The following SEMA4D variants were observed in gnomAD, a reference collection of about 807,000 sequenced individuals.
SEMA4D encodes semaphorin 4D.
Under a neutral mutation model 74.8 loss-of-function variants are expected in SEMA4D, and 22 were observed. The observed-to-expected ratio is 0.29, with a 90% CI of 0.21 to 0.42. The LOEUF (loss-of-function observed/expected upper bound fraction) is 0.42. Among genes scored for constraint, SEMA4D ranks in the 10% least tolerant of loss-of-function variants. The probability of loss-of-function intolerance (pLI) is 1.00; values close to 1 mark genes in which losing one functional copy is unlikely to be tolerated. For synonymous variants in SEMA4D, 445 were observed against 463.7 expected (o/e 0.96, Z 0.52); for missense variants, 937 against 1,118.4 (o/e 0.84, Z 2.31).
intron 1 of SEMA4D, among the ~76,000 whole-genome samples, chr9:89,469,355 T>A (rs775333405): frequency 0.17 from 26,086 of 152,272 alleles, no homozygotes; most frequent in East Asian, 0.27. Flanking sequence ...GGTAGAATTT[T>A]CCAGTAAAAC....
intron 2 of SEMA4D, among the ~76,000 whole-genome samples, chr9:89,437,093 C>T (rs979010290): frequency 3.9e-5 from 6 of 152,188 alleles, no homozygotes; most frequent in African/African-American, 7.2e-5. Context: ...AGTGCTGCAG[C>T]GAGATGGCCT....
Position 89,379,037 on chromosome 9 carries a change from G to T in SEMA4D, c.2256C>A (p.Phe752Leu). ...FFFVLFLCLF[F>L]YNCYKGYLPR... The stretch of plus-strand genomic sequence containing the variant: ...GCAGGTATCCCTTATAGCAGTTGTA[G>T]AAAAAGAGGCAGAGGAAGAGAACAA... The change falls in exon 16 of 16, where the codon TTC (phenylalanine) becomes TTA (leucine). Residue 752 changes from phenylalanine to leucine, a missense_variant. Physicochemically the swap from Phe to Leu is conservative, Grantham distance 22. Transcript: ENST00000422704. The T allele has an allele frequency of 6.2e-7, 1 of 1,612,064 alleles. No individual in the cohort carries two copies. Among genetic ancestry groups the T allele is most frequent in the Non-Finnish European group, 8.5e-7 (1 of 1,178,906 alleles).
intron 1 of SEMA4D, among the ~76,000 whole-genome samples, chr9:89,495,093 T>C (rs1334118370): frequency 6.6e-6 from 1 of 152,082 alleles, no homozygotes; most frequent in Non-Finnish European, 1.5e-5. Context: ...ATTGCTTTCA[T>C]GGGCAGCATC....
chr9:89,454,137 ACTAT>A (rs971633589), intron 2 of SEMA4D, among the ~76,000 whole-genome samples: 1 of 152,154 alleles, frequency 6.6e-6, no homozygotes, highest in South Asian at 2.1e-4. Context: ...GTGTATGCAG[ACTAT>A]CTATGATGTG....
intron 1 of SEMA4D, among the ~76,000 whole-genome samples, chr9:89,481,727 C>T (rs1824712505): frequency 6.6e-6 from 1 of 152,218 alleles, no homozygotes; most frequent in African/African-American, 2.4e-5. Flanking sequence ...TGCTGCAGAA[C>T]CCAAGGCACA....
At position 89,363,332 on chromosome 9, in the gene SEMA4D, T is replaced by C. The variant is rs558807834; in HGVS notation, c.2190+98A>G. 5.9e-6 allele frequency: 9 copies of C among 1,534,078 alleles called. No homozygotes were observed. In the African/African-American group the frequency reaches 1.1e-4, roughly 19 times the overall value. On this transcript the variant is annotated intron_variant, in intron 18 of 18. Transcript: ENST00000339861. ...CGGGGCTAAGAGGGAACAAGTGGGGTCCATGCTGAATGGGGCCCTTGAAAG... is the reference window on the plus strand; with the variant it reads ...CGGGGCTAAGAGGGAACAAGTGGGGCCCATGCTGAATGGGGCCCTTGAAAG...
At chr9:89,491,512 G>A (rs1305435567) in intron 1 of SEMA4D, among the ~76,000 whole-genome samples, 1 of 152,206 alleles carries the variant, frequency 6.6e-6, no homozygotes, top group Admixed American at 6.5e-5. Context: ...AGAGGTTGCA[G>A]TGAGCTGAGA....
intron 15 of SEMA4D, among the ~76,000 whole-genome samples, chr9:89,379,982 G>C (rs531192346): frequency 3.9e-5 from 6 of 152,208 alleles, no homozygotes; most frequent in Non-Finnish European, 8.8e-5. Context: ...TGGCTGCAAG[G>C]AAGACTGGCC....
At chr9:89,419,037 T>C (rs1452409835) in intron 2 of SEMA4D, among the ~76,000 whole-genome samples, 19 of 116,828 alleles carry the variant, frequency 1.6e-4, no homozygotes, top group African/African-American at 6.3e-4. Context: ...ACAGACGCCC[T>C]GTACACCCCT....
At chr9:89,392,820 C>T (rs1030301219) in intron 7 of SEMA4D, among the ~76,000 whole-genome samples, 1 of 152,118 alleles carries the variant, frequency 6.6e-6, no homozygotes, top group Non-Finnish European at 1.5e-5. Flanking sequence ...CTCCACCTCC[C>T]AGTTCAAGCA....
chr9:89,457,077 A>AG (rs1856108848), intron 1 of SEMA4D, among the ~76,000 whole-genome samples: 2 of 152,324 alleles, frequency 1.3e-5, no homozygotes, highest in East Asian at 3.9e-4. Flanking sequence ...TGGCAACTGA[A>AG]GGGAAAAGCT....
chr9:89,378,622 G>T lies in SEMA4D; in HGVS notation c.*82C>A. 2 of 1,068,920 alleles carry T rather than the reference G, an allele frequency of 1.9e-6. No individual in the cohort carries two copies. Among genetic ancestry groups the T allele is most frequent in the Non-Finnish European group, 2.8e-6 (2 of 711,488 alleles). The allele number at this position is 1,068,920 out of a possible 1,614,324, so 66.2% of individuals were successfully genotyped here. A position where few individuals can be genotyped will look rare whatever the true frequency, so the allele number is the denominator to read the frequency against. ...ACCTACGCAGCACTGCACGAGACTC[G>T]GATACTGAACAGGAGAAACACAAAA... On this transcript the variant is annotated 3_prime_UTR_variant, in exon 16 of 16. Transcript: ENST00000422704.
At chr9:89,423,835 TACTCCCTCAGCACCTCC>T (rs1189092764) in intron 2 of SEMA4D, among the ~76,000 whole-genome samples, 8 of 106,376 alleles carry the variant, frequency 7.5e-5, no homozygotes, top group Non-Finnish European at 1.1e-4. Context: ...CTCCCTCAGC[TACTCCCTCAGCACCTCC>T]ACTCCCTCAG....
chr9:89,464,498 T>G (rs1787015491), intron 1 of SEMA4D, among the ~76,000 whole-genome samples: 1 of 151,586 alleles, frequency 6.6e-6, no homozygotes. Flanking sequence ...AAGACAGGAG[T>G]TCATCAATAA....
chr9:89,372,035 T>TG (rs201359118), intron 16 of SEMA4D, among the ~76,000 whole-genome samples: 1 of 11,614 alleles, frequency 8.6e-5, no homozygotes, highest in African/African-American at 4.4e-4. Context: ...GTGGTGTGTG[T>TG]TGGGGTGTGT....
At chr9:89,392,031 G>A (rs975160359) in intron 8 of SEMA4D, among the ~76,000 whole-genome samples, 5 of 152,174 alleles carry the variant, frequency 3.3e-5, no homozygotes, top group Admixed American at 6.5e-5. Flanking sequence ...CCATCTGACC[G>A]GGCACTAGAG....
chr9:89,465,055 C>A (rs60216137), intron 1 of SEMA4D, among the ~76,000 whole-genome samples: 2 of 152,122 alleles, frequency 1.3e-5, no homozygotes, highest in African/African-American at 4.8e-5. Flanking sequence ...CACTGACCAA[C>A]CTGTCAGGGG....
chr9:89,363,851 G>A (rs1307990898), exon 17 of SEMA4D: 1 of 1,614,160 alleles, frequency 6.2e-7, no homozygotes, highest in Non-Finnish European at 8.5e-7. Context: ...CCAGCTGAGT[G>A]CATGGGCCCT....
Position 89,484,528 on chromosome 9 carries a change from G to C in SEMA4D, c.-310+13391C>G, listed in dbSNP as rs532653527. ...TTGTGTAGTGTGTGTGGTGTGTATGGACTGGGTGTGTGGGGTGGGGAGGTA... is the reference window on the plus strand; with the variant it reads ...TTGTGTAGTGTGTGTGGTGTGTATGCACTGGGTGTGTGGGGTGGGGAGGTA... On this transcript the variant is annotated intron_variant, in intron 1 of 15. Transcript: ENST00000422704. The surrounding 1 kb of genome is among the most constrained non-coding windows in gnomAD (Gnocchi z 4.1). Among the ~76,000 whole-genome samples the C allele has an allele frequency of 6.6e-6, 1 of 151,392 alleles. No individual in the cohort carries two copies. Among genetic ancestry groups the C allele is most frequent in the Admixed American group, 6.6e-5 (1 of 15,212 alleles).
Sources: gnomAD v4.1 joint callset for allele counts (sites outside exome capture counted in the v4.1 genomes callset) on GRCh38, gnomAD v4.1.1 for gene constraint, Gnocchi (gnomAD v3.1) non-coding constraint, MANE v1.5 for transcripts, NCBI Gene and HGNC (gene_info 2026-07-23, HGNC 2026-07-21) for gene names.